SH3BP5: variants seen among roughly 807,000 people sequenced by gnomAD.
SH3BP5 encodes SH3 domain binding protein 5.
SH3BP5 carries 22 observed loss-of-function variants against 43.3 expected under a neutral mutation model. The ratio of observed to expected loss-of-function variants is 0.51; its 90% CI spans 0.36 to 0.73. SH3BP5 has a LOEUF of 0.73. SH3BP5 is among the 30% of genes least tolerant of loss of function. The pLI, the probability that SH3BP5 is intolerant of heterozygous loss-of-function variation, is 0.00. For missense variants in SH3BP5, 529 were observed against 586.9 expected (o/e 0.90, Z 1.02); for synonymous variants, 255 against 225.8 (o/e 1.13, Z -1.16).
intron 3 of SH3BP5, among the ~76,000 whole-genome samples, chr3:15,281,401 CCAA>C (rs1434576983): frequency 3.9e-5 from 6 of 152,126 alleles, no homozygotes; most frequent in African/African-American, 1.4e-4. Context: ...ATCCCTGGCA[CCAA>C]CAATAACCAT....
chr3:15,304,374 T>C (rs1037600743), intron 2 of SH3BP5, 143 bp from the exon 3 acceptor site: 7 of 1,290,616 alleles, frequency 5.4e-6, no homozygotes, highest in Non-Finnish European at 7.6e-6. Context: ...AGACAGTGTC[T>C]AGAGCAGCAC....
intron 3 of SH3BP5, chr3:15,273,067 G>T: frequency 3.3e-6 from 3 of 915,508 alleles, no homozygotes; most frequent in Non-Finnish European, 3.9e-6. Flanking sequence ...GAGGGAACCT[G>T]TCACCTTAAA....
rs1696148591 is a variant in SH3BP5 at position 15,255,143 on chromosome 3, G to GCCAAC, written c.*938_*942dup. ...CACTTAACTACTATTAACAGCCTTT[G>GCCAAC]CCAACACATGCCTGCCTACTCCCTT... On this transcript the variant is annotated 3_prime_UTR_variant, in exon 9 of 9. Coordinates refer to ENST00000383791, the MANE Select transcript of SH3BP5 (RefSeq NM_004844.5). 1 of 152,598 alleles carries GCCAAC rather than the reference G, an allele frequency of 6.6e-6. No homozygotes were observed. Among genetic ancestry groups the GCCAAC allele is most frequent in the African/African-American group, 2.4e-5 (1 of 41,428 alleles). 9.5% of individuals were successfully genotyped at this position (152,598 alleles called of 1,614,324 possible).
rs780705837 is a variant in SH3BP5, at chr3:15,256,193, A to C, written c.1261T>G (p.Ser421Ala). Reference protein sequence around the residue: ...GGSSKSQSSTSPEGQALENRM... With the variant: ...GGSSKSQSSTAPEGQALENRM... Reference sequence around the variant, plus strand: ...TTCTCCAAGGCCTGGCCCTCAGGGGAGGTGCTGCTTTGGCTCTTACTGCTG... The same window carrying C: ...TTCTCCAAGGCCTGGCCCTCAGGGGCGGTGCTGCTTTGGCTCTTACTGCTG... Residue 421 changes from serine (S) to alanine (A), a missense_variant, in exon 9 of 9, where the codon TCC (serine) becomes GCC (alanine). By Grantham distance (99) the Ser-to-Ala change is moderately conservative. Around this residue, in one of 3 missense-constraint regions of SH3BP5, gnomAD observed 369 missense variants for 384.3 expected, o/e 0.96. Coordinates refer to ENST00000383791, the MANE Select transcript of SH3BP5 (RefSeq NM_004844.5). 6.2e-7 allele frequency: 1 copy of C among 1,614,070 alleles called. No individual in the cohort carries two copies. The highest frequency in any genetic ancestry group is 1.7e-5 in the Admixed American group (1 of 60,016).
At chr3:15,283,855 G>T (rs1212211970) in intron 3 of SH3BP5, among the ~76,000 whole-genome samples, 1 of 152,162 alleles carries the variant, frequency 6.6e-6, no homozygotes, top group African/African-American at 2.4e-5. Flanking sequence ...CCAGGACAGG[G>T]GTGTTTATGA....
At chr3:15,273,063 A>G in intron 3 of SH3BP5, 1 of 878,130 alleles carries the variant, frequency 1.1e-6, no homozygotes, top group Non-Finnish European at 1.4e-6. Context: ...AGCAGAGGGA[A>G]CCTGTCACCT....
intron 3 of SH3BP5, among the ~76,000 whole-genome samples, chr3:15,276,377 C>T (rs183835831): frequency 3.4e-4 from 52 of 152,134 alleles, no homozygotes; most frequent in Admixed American, 1.3e-4. Context: ...TGTTTAGTGG[C>T]CCCCCAGAGC....
At chr3:15,273,977 T>C (rs1696888099) in intron 3 of SH3BP5, among the ~76,000 whole-genome samples, 1 of 152,190 alleles carries the variant, frequency 6.6e-6, no homozygotes, top group African/African-American at 2.4e-5. Context: ...GCATGGTGGC[T>C]CACGCCTGGA....
At chr3:15,300,847 C>T (rs1697718350) in intron 3 of SH3BP5, among the ~76,000 whole-genome samples, 1 of 152,122 alleles carries the variant, frequency 6.6e-6, no homozygotes, top group Admixed American at 6.5e-5. Flanking sequence ...TAAAGCCAGG[C>T]AGGATGCTCT....
intron 2 of SH3BP5, among the ~76,000 whole-genome samples, chr3:15,311,360 C>T (rs1049739169): frequency 7.9e-5 from 12 of 151,976 alleles, no homozygotes; most frequent in Admixed American, 4.6e-4. Context: ...GTCAGGAGTT[C>T]GAGACCAGCC....
chr3:15,259,509 C>T, intron 6 of SH3BP5: 1 of 588,860 alleles, frequency 1.7e-6, no homozygotes, highest in Non-Finnish European at 3.0e-6. Flanking sequence ...GCTGATGCTG[C>T]TGGTCCTAAG....
At chr3:15,337,952 C>A (rs2124844163) in intron 1 of SH3BP5, among the ~76,000 whole-genome samples, 1 of 148,214 alleles carries the variant, frequency 6.7e-6, no homozygotes, top group African/African-American at 2.5e-5. Flanking sequence ...CCCAAAGCAG[C>A]AGCCAAGTCA....
intron 4 of SH3BP5, among the ~76,000 whole-genome samples, chr3:15,268,889 TG>T (rs1442361988): frequency 6.6e-6 from 1 of 152,074 alleles, no homozygotes; most frequent in Non-Finnish European, 1.5e-5. Context: ...TGTTAGGACA[TG>T]GAAAAGATGG....
intron 1 of SH3BP5, among the ~76,000 whole-genome samples, chr3:15,331,547 T>G (rs1698609287): frequency 6.6e-6 from 1 of 152,190 alleles, no homozygotes; most frequent in Non-Finnish European, 1.5e-5. Context: ...AAATTGTTTT[T>G]TAATCATCTC....
intron 7 of SH3BP5, chr3:15,258,451 G>C: frequency 4.0e-6 from 1 of 248,864 alleles, no homozygotes; most frequent in South Asian, 5.6e-5. Flanking sequence ...TGAAGAAACT[G>C]AAATACAAAG....
chr3:15,290,125 G>A (rs936704534), intron 3 of SH3BP5, among the ~76,000 whole-genome samples: 3 of 152,126 alleles, frequency 2.0e-5, no homozygotes, highest in Non-Finnish European at 1.5e-5. Flanking sequence ...CCTCAGGCCG[G>A]GCACGGTGGC....
chr3:15,291,179 G>T (rs1168216556), intron 3 of SH3BP5, among the ~76,000 whole-genome samples: 1 of 152,202 alleles, frequency 6.6e-6, no homozygotes, highest in Admixed American at 6.5e-5. Context: ...ACAGCAGCAT[G>T]AGCATTCGCA....
chr3:15,268,497 C>G (rs3773468), intron 4 of SH3BP5, among the ~76,000 whole-genome samples: 62,782 of 151,914 alleles, frequency 0.41, 17,112 homozygotes, highest in African/African-American at 0.77. Flanking sequence ...GCCCTACACT[C>G]GTTTTCCAGG....
chr3:15,299,293 GC>G (rs1203757116), intron 3 of SH3BP5, among the ~76,000 whole-genome samples: 1 of 152,158 alleles, frequency 6.6e-6, no homozygotes, highest in Non-Finnish European at 1.5e-5. Flanking sequence ...CAAAGCCAGT[GC>G]CCTGCCCCCA....
Sources: allele counts gnomAD v4.1 joint callset (sites outside exome capture counted in the v4.1 genomes callset), GRCh38; gene constraint gnomAD v4.1.1; regional missense constraint gnomAD v4.1.1; transcripts MANE v1.5; gene names NCBI Gene and HGNC (gene_info 2026-07-23, HGNC 2026-07-21).